The following PCNX1 variants were observed in gnomAD, a reference collection of about 807,000 sequenced individuals.
PCNX1 encodes pecanex 1, also known as pecanex-like protein 1.
PCNX1 carries 78 observed loss-of-function variants against 242.2 expected under a neutral mutation model. That is an observed-to-expected ratio of 0.32 (90% confidence interval 0.27 to 0.39). The LOEUF (loss-of-function observed/expected upper bound fraction) is 0.39. Ranked by LOEUF, PCNX1 falls within the 10% of genes least tolerant of loss-of-function variation. The pLI, the probability that PCNX1 is intolerant of heterozygous loss-of-function variation, is 1.00. For missense variants in PCNX1, 2,581 were observed against 2,856.5 expected (o/e 0.90, Z 2.20); for synonymous variants, 1,024 against 1,032.9 (o/e 0.99, Z 0.17).
chr14:71,060,696 G>GT (rs2061305049), intron 26 of PCNX1: 3 of 152,246 alleles, frequency 2.0e-5, no homozygotes, highest in Admixed American at 2.0e-4. Context: ...AGAACAAAGT[G>GT]ACAGAAGCCA....
At chr14:70,949,468 G>T (rs541690974) in intron 2 of PCNX1, among the ~76,000 whole-genome samples, 3 of 151,596 alleles carry the variant, frequency 2.0e-5, no homozygotes, top group Admixed American at 2.0e-4. Context: ...ACATACGCAT[G>T]TGTATATATA....
At chr14:70,976,670 G>T (rs150329112) in intron 5 of PCNX1, among the ~76,000 whole-genome samples, 1 of 152,038 alleles carries the variant, frequency 6.6e-6, no homozygotes, top group Non-Finnish European at 1.5e-5. Flanking sequence ...ACTGCGCCCG[G>T]CCCCTTTGTT....
chr14:71,069,060 TGA>T (rs2061527315), intron 26 of PCNX1, among the ~76,000 whole-genome samples: 1 of 151,974 alleles, frequency 6.6e-6, no homozygotes, highest in Non-Finnish European at 1.5e-5. Flanking sequence ...TGGCAGAAGG[TGA>T]AAGGCATATC....
At chr14:71,036,028 T>C in intron 18 of PCNX1, 37 bp from the exon 19 acceptor site, 2 of 1,355,354 alleles carry the variant, frequency 1.5e-6, no homozygotes, top group Non-Finnish European at 2.1e-6. Flanking sequence ...TTAAAAATTT[T>C]ATGTAATTGT....
intron 1 of PCNX1, among the ~76,000 whole-genome samples, chr14:70,934,589 A>G (rs558638885): frequency 3.3e-4 from 50 of 152,206 alleles, no homozygotes; most frequent in Non-Finnish European, 5.7e-4. Context: ...AGACATTTTA[A>G]CCATTTTTAA....
chr14:70,939,130 A>C lies in PCNX1; in HGVS notation c.154-7785A>C, dbSNP rs181400394. Reference sequence around the variant, plus strand: ...GAAGGGTTTTTTGTGTCTCTGTCTCATTCAGTTCTGCTCTGATCTTAGTTA... The same window carrying C: ...GAAGGGTTTTTTGTGTCTCTGTCTCCTTCAGTTCTGCTCTGATCTTAGTTA... On this transcript the variant is annotated intron_variant, in intron 1 of 35. Transcript: ENST00000304743. 6.1e-3 allele frequency among the ~76,000 whole-genome samples: 924 copies of C among 152,050 alleles called. 6 individuals are homozygous for C. The highest frequency in any genetic ancestry group is 8.0e-3 in the Non-Finnish European group (544 of 67,974).
chr14:71,085,845 G>C (rs2061975068), intron 28 of PCNX1: 1 of 334,256 alleles, frequency 3.0e-6, no homozygotes, highest in Non-Finnish European at 6.0e-6. Context: ...TTATCAATAA[G>C]GATCAGAGTA....
chr14:70,931,129 G>A (rs917065), intron 1 of PCNX1, among the ~76,000 whole-genome samples: 96,284 of 151,976 alleles, frequency 0.63, 30,770 homozygotes, highest in South Asian at 0.72. Flanking sequence ...CATCCACCAA[G>A]AATGAAAGGT....
chr14:71,022,305 G>A (rs2060125782), intron 12 of PCNX1, among the ~76,000 whole-genome samples: 2 of 152,110 alleles, frequency 1.3e-5, no homozygotes, highest in South Asian at 4.1e-4. Flanking sequence ...TTTGTCCACT[G>A]CTTTCAGGTT....
At chr14:70,926,342 C>T (rs1010313992) in intron 1 of PCNX1, among the ~76,000 whole-genome samples, 15 of 152,146 alleles carry the variant, frequency 9.9e-5, no homozygotes, top group African/African-American at 3.6e-4. Context: ...CCCCTGCCGT[C>T]TCACCTGCTC....
rs2062743104 is a variant in PCNX1, at chr14:71,110,959, T to C, written c.*1024T>C. On this transcript the variant is annotated 3_prime_UTR_variant, in exon 36 of 36. Coordinates refer to ENST00000304743, the MANE Select transcript of PCNX1 (RefSeq NM_014982.3). ...ATTTATGAGTTTCTAGCTCTTGAAG[T>C]TATTCACATGCAGTTCAGTTAGTCA... The C allele has an allele frequency of 6.6e-6, 1 of 152,668 alleles. No homozygotes were observed. Among genetic ancestry groups the C allele is most frequent in the Non-Finnish European group, 1.5e-5 (1 of 68,028 alleles). 9.5% of individuals were successfully genotyped at this position (152,668 alleles called of 1,614,324 possible).
chr14:71,021,111 T>A (rs2060088386), intron 12 of PCNX1, among the ~76,000 whole-genome samples: 1 of 152,270 alleles, frequency 6.6e-6, no homozygotes, highest in Middle Eastern at 3.4e-3. Flanking sequence ...TTCTGTTCCA[T>A]TGGTCTTTAT....
chr14:70,967,539 TG>T (rs1418474203), intron 3 of PCNX1, among the ~76,000 whole-genome samples: 2 of 152,204 alleles, frequency 1.3e-5, no homozygotes, highest in African/African-American at 4.8e-5. Context: ...TTTAGGGAAG[TG>T]TTAAACTATC....
Position 71,045,139 on chromosome 14 carries a change from C to T in PCNX1, c.3874C>T (p.Leu1292Phe), listed in dbSNP as rs550626219. ...CTTCTATTATTTTTTTTAGCCTGCC[C>T]TCAAGTATGTGTTGTATACATTGGT... ...STVFTVLQPALKYVLYTLVGF... is the reference protein window; with the variant it reads ...STVFTVLQPAFKYVLYTLVGF... Residue 1292 changes from leucine to phenylalanine, a missense_variant, in exon 20 of 36, where the codon CTC (leucine) becomes TTC (phenylalanine). Physicochemically the swap from Leu to Phe is conservative, Grantham distance 22. This residue lies in a region of PCNX1 where 432 missense variants were observed against 443.1 expected (regional missense o/e 0.97). Coordinates refer to ENST00000304743, the MANE Select transcript of PCNX1 (RefSeq NM_014982.3). The T allele has an allele frequency of 1.3e-5, 21 of 1,585,450 alleles. No homozygotes were observed. The East Asian group carries it at 3.4e-4, about 26-fold the overall frequency.
intron 24 of PCNX1, among the ~76,000 whole-genome samples, 162 bp downstream of exon 24, chr14:71,052,174 AAG>A (rs2141188545): frequency 6.6e-6 from 1 of 152,174 alleles, no homozygotes; most frequent in East Asian, 1.9e-4. Context: ...AAGTATATAA[AAG>A]AAGAGGCCAG....
At chr14:70,911,056 C>CA (rs1384042699) in intron 1 of PCNX1, among the ~76,000 whole-genome samples, 4 of 151,912 alleles carry the variant, frequency 2.6e-5, no homozygotes, top group Non-Finnish European at 5.9e-5. Context: ...AAAAATAAAG[C>CA]AAAATCCAAC....
intron 1 of PCNX1, among the ~76,000 whole-genome samples, chr14:70,940,852 C>G (rs2057210630): frequency 6.6e-6 from 1 of 152,100 alleles, no homozygotes; most frequent in Non-Finnish European, 1.5e-5. Context: ...CTCTAAACTT[C>G]TCTTCTCACT....
At position 71,114,565 on chromosome 14, in the gene PCNX1, A is replaced by G. The variant is rs1361160684; in HGVS notation, c.*4630A>G. 1 of 152,664 alleles carries G rather than the reference A, an allele frequency of 6.6e-6. No homozygotes were observed. Among genetic ancestry groups the G allele is most frequent in the Non-Finnish European group, 1.5e-5 (1 of 68,040 alleles). 9.5% of individuals were successfully genotyped at this position (152,664 alleles called of 1,614,324 possible). On this transcript the variant is annotated 3_prime_UTR_variant, in exon 36 of 36. Coordinates refer to ENST00000304743, the MANE Select transcript of PCNX1 (RefSeq NM_014982.3). ...TTCTATTTGTGAGTTGAACTTCATT[A>G]TCTGCCATTTTGTGGAATCAACCTT... is the stretch of plus-strand genomic sequence containing the variant.
chr14:71,006,947 A>T (rs2059685971), intron 8 of PCNX1, among the ~76,000 whole-genome samples: 1 of 152,142 alleles, frequency 6.6e-6, no homozygotes, highest in Admixed American at 6.5e-5. Flanking sequence ...TGCCATGCGT[A>T]TTTTTAAGAA....
Sources: allele counts gnomAD v4.1 joint callset (sites outside exome capture counted in the v4.1 genomes callset), GRCh38; gene constraint gnomAD v4.1.1; regional missense constraint gnomAD v4.1.1; transcripts MANE v1.5; gene names NCBI Gene and HGNC (gene_info 2026-07-23, HGNC 2026-07-21).